The following HIVEP2 variants were observed in gnomAD, a reference collection of about 807,000 sequenced individuals.
The protein encoded by HIVEP2 is HIVEP zinc finger 2.
HIVEP2 carries 14 observed loss-of-function variants against 180.7 expected under a neutral mutation model. That is an observed-to-expected ratio of 0.08 (90% CI 0.05 to 0.12). The LOEUF (loss-of-function observed/expected upper bound fraction) is 0.12. Ranked by LOEUF, HIVEP2 falls within the 10% of genes least tolerant of loss-of-function variation. HIVEP2 has a pLI of 1.00. For missense variants in HIVEP2, 2,579 were observed against 3,008.5 expected (o/e 0.86, Z 3.34); for synonymous variants, 1,184 against 1,136.4 (o/e 1.04, Z -0.84).
At chr6:142,786,392 G>A (rs1005441865) in intron 2 of HIVEP2, among the ~76,000 whole-genome samples, 3 of 152,060 alleles carry the variant, frequency 2.0e-5, no homozygotes, top group Non-Finnish European at 4.4e-5. Flanking sequence ...AAAATCCAAA[G>A]GTCATTTAAA....
chr6:142,866,582 T>G (rs1776144248), intron 1 of HIVEP2, among the ~76,000 whole-genome samples: 1 of 152,162 alleles, frequency 6.6e-6, no homozygotes, highest in Admixed American at 6.5e-5. Flanking sequence ...AATTTTAAGT[T>G]TCTATACCAT....
At chr6:142,905,237 T>G (rs1777234304) in intron 1 of HIVEP2, among the ~76,000 whole-genome samples, 1 of 152,156 alleles carries the variant, frequency 6.6e-6, no homozygotes, top group Admixed American at 6.6e-5. Context: ...ATAACTTAGG[T>G]TATTTTAAAA....
At chr6:142,766,718 T>C (rs747676496) in intron 6 of HIVEP2, among the ~76,000 whole-genome samples, 5 of 152,180 alleles carry the variant, frequency 3.3e-5, no homozygotes, top group Non-Finnish European at 5.9e-5. Flanking sequence ...ATAAATAATA[T>C]ATCATACAAC....
At chr6:142,905,386 G>A (rs1218190174) in intron 1 of HIVEP2, among the ~76,000 whole-genome samples, 5 of 152,076 alleles carry the variant, frequency 3.3e-5, no homozygotes, top group Admixed American at 2.0e-4. Flanking sequence ...TAATCAATAC[G>A]GGGGCCCACT....
Position 142,764,835 on chromosome 6 carries a change from C to T in HIVEP2, c.5482G>A (p.Val1828Ile). 6.8e-6 allele frequency: 11 copies of T among 1,613,848 alleles called. No individual in the cohort carries two copies. The highest frequency in any genetic ancestry group is 2.2e-5 in the South Asian group (2 of 91,024). Residue 1828 changes from valine (V) to isoleucine (I), a missense_variant, in exon 7 of 10, where the codon GTA becomes ATA. This residue lies in a region of HIVEP2 where 21 missense variants were observed against 86.8 expected (regional missense o/e 0.24). Transcript: ENST00000367603. ...IRTHTDVRPY[V>I]CKLCNFAFKT... ...AAGGCAAAGTTACATAACTTGCATA[C>T]ATAAGGCCGAACATCAGTATGGGTA...
At chr6:142,935,554 A>G (rs148868015) in intron 1 of HIVEP2, among the ~76,000 whole-genome samples, 27 of 152,266 alleles carry the variant, frequency 1.8e-4, no homozygotes, top group African/African-American at 6.0e-4. Context: ...CTGTCTCAAA[A>G]TAATAATAAA....
chr6:142,905,935 A>T (rs1275508582), intron 1 of HIVEP2, among the ~76,000 whole-genome samples: 1 of 152,156 alleles, frequency 6.6e-6, no homozygotes, highest in Non-Finnish European at 1.5e-5. Context: ...GGAGTTCGAG[A>T]CCAACCTGGC....
Position 142,759,867 on chromosome 6 carries a change from T to A in HIVEP2, c.6421A>T (p.Ile2141Leu), listed in dbSNP as rs1261055399. 6.2e-7 allele frequency: 1 copy of A among 1,613,980 alleles called. No homozygotes were observed. Among genetic ancestry groups the A allele is most frequent in the Non-Finnish European group, 8.5e-7 (1 of 1,179,966 alleles). ...PRRERRYMTT[I>L]RAPSPRRALY... ...GCCCTTCTGGGAGATGGCGCTCTTA[T>A]TGTGGTCATGTATCTTCTCTCTCTT... Residue 2141 changes from isoleucine (I) to leucine (L), a missense_variant, in exon 9 of 10, where the codon ATA becomes TTA. Ile to Leu is a conservative substitution (Grantham distance 5, BLOSUM62 2). This residue lies in a region of HIVEP2 where 660 missense variants were observed against 731.7 expected (regional missense o/e 0.90). Transcript: ENST00000367603.
At chr6:142,866,034 C>A in intron 1 of HIVEP2, among the ~76,000 whole-genome samples, 1 of 152,088 alleles carries the variant, frequency 6.6e-6, no homozygotes, top group Non-Finnish European at 1.5e-5. Flanking sequence ...GCTTTGAGTT[C>A]CTCATTTGTA....
chr6:142,854,131 C>T (rs955911358), intron 1 of HIVEP2, among the ~76,000 whole-genome samples: 1 of 152,168 alleles, frequency 6.6e-6, no homozygotes, highest in African/African-American at 2.4e-5. Context: ...TGCCATCCCC[C>T]TCAGATTTAT....
At chr6:142,893,606 G>A (rs1312676898) in intron 1 of HIVEP2, among the ~76,000 whole-genome samples, 1 of 152,114 alleles carries the variant, frequency 6.6e-6, no homozygotes, top group Non-Finnish European at 1.5e-5. Context: ...CTTTAATTTA[G>A]GTCTGACTTC....
chr6:142,819,470 A>G (rs1281022755), intron 2 of HIVEP2, among the ~76,000 whole-genome samples: 2 of 152,176 alleles, frequency 1.3e-5, no homozygotes, highest in Non-Finnish European at 2.9e-5. Context: ...AAGGAAAAAT[A>G]CTTTTGTAAA....
chr6:142,754,732 T>G (rs1366837012), intron 9 of HIVEP2, among the ~76,000 whole-genome samples: 1 of 152,264 alleles, frequency 6.6e-6, no homozygotes, highest in Non-Finnish European at 1.5e-5. Context: ...ATCTTAATTC[T>G]TTTGTTCATA....
intron 2 of HIVEP2, among the ~76,000 whole-genome samples, chr6:142,815,261 G>C (rs1776804060): frequency 6.6e-6 from 1 of 152,114 alleles, no homozygotes; most frequent in South Asian, 2.1e-4. Context: ...CCCTCTGACA[G>C]AACACCGCAC....
At chr6:142,775,875 T>C (rs1775685963) in intron 4 of HIVEP2, among the ~76,000 whole-genome samples, 1 of 150,922 alleles carries the variant, frequency 6.6e-6, no homozygotes, top group Admixed American at 6.6e-5. Context: ...ATATAAAATA[T>C]AAATATAACA....
chr6:142,889,224 G>A (rs1409168082), intron 1 of HIVEP2, among the ~76,000 whole-genome samples: 1 of 152,062 alleles, frequency 6.6e-6, no homozygotes, highest in Admixed American at 6.5e-5. Flanking sequence ...TGTAATTCCA[G>A]CATTTTGAGA....
At chr6:142,811,454 TA>T (rs1282109114) in intron 2 of HIVEP2, among the ~76,000 whole-genome samples, 1 of 152,220 alleles carries the variant, frequency 6.6e-6, no homozygotes, top group African/African-American at 2.4e-5. Flanking sequence ...TTCTAAACCC[TA>T]TCATTTTGTG....
intron 2 of HIVEP2, among the ~76,000 whole-genome samples, chr6:142,832,192 C>CAAAA (rs71721259): frequency 9.3e-6 from 1 of 108,032 alleles, no homozygotes; most frequent in African/African-American, 3.4e-5. Context: ...AATTCTGTCT[C>CAAAA]AAAAAAAAAA....
chr6:142,845,725 C>T (rs902457983), intron 1 of HIVEP2, among the ~76,000 whole-genome samples: 3 of 152,218 alleles, frequency 2.0e-5, no homozygotes, highest in Non-Finnish European at 4.4e-5. Flanking sequence ...ATGCAATGTC[C>T]CCAGAGGAAG....
Sources: gnomAD v4.1 joint callset for allele counts (sites outside exome capture counted in the v4.1 genomes callset) on GRCh38, gnomAD v4.1.1 for gene constraint, gnomAD v4.1.1 regional missense constraint, MANE v1.5 for transcripts, NCBI Gene and HGNC (gene_info 2026-07-23, HGNC 2026-07-21) for gene names.